The following TVP23A variants were observed in gnomAD, a reference collection of about 807,000 sequenced individuals.
The protein encoded by TVP23A is trans-golgi network vesicle protein 23 homolog A, also known as Golgi apparatus membrane protein TVP23 homolog A.
In TVP23A, 21 loss-of-function variants were observed where a neutral mutation model predicts 31.7. That is an observed-to-expected ratio of 0.66 (90% confidence interval 0.47 to 0.95). The LOEUF (loss-of-function observed/expected upper bound fraction) is 0.95, where lower values mean the gene tolerates loss of function less well. Ranked by LOEUF, TVP23A falls within the 40% of genes least tolerant of loss-of-function variation. TVP23A has a pLI of 0.00. For synonymous variants in TVP23A, 104 were observed against 96.0 expected, an observed-to-expected ratio of 1.08 and a Z score of -0.49; for missense variants, 279 against 255.6, an observed-to-expected ratio of 1.09 and a Z score of -0.62.
intron 2 of TVP23A, among the ~76,000 whole-genome samples, chr16:10,784,749 T>A (rs1286571539): frequency 6.6e-6 from 1 of 152,122 alleles, no homozygotes; most frequent in African/African-American, 2.4e-5. Context: ...AAGGGGAGTA[T>A]ATAAAAATTA....
At chr16:10,806,079 C>T (rs1173281280) in intron 2 of TVP23A, among the ~76,000 whole-genome samples, 6 of 152,316 alleles carry the variant, frequency 3.9e-5, no homozygotes, top group African/African-American at 1.4e-4. Flanking sequence ...CGGTGGCTCA[C>T]GCCCTTAATC....
rs1274805868 is a variant in TVP23A, at chr16:10,818,128, GCTC to G, written c.61_63del (p.Glu21del). 3 of 1,609,070 alleles carry G rather than the reference GCTC, an allele frequency of 1.9e-6. No individual in the cohort carries two copies. The highest frequency in any genetic ancestry group is 4.5e-5 in the East Asian group (2 of 44,802). ...CTGATCTTGGCTTTCCTAAAGGCCA[GCTC>G]CTCCTCGTTTCCAAAGTCCAGGGAC... On this transcript the variant is annotated inframe_deletion, in exon 2 of 8. Coordinates refer to ENST00000299866, the MANE Select transcript of TVP23A (RefSeq NM_001079512.4). The surrounding 1 kb of genome is among the most constrained non-coding windows in gnomAD (Gnocchi z 4.7).
intron 2 of TVP23A, among the ~76,000 whole-genome samples, chr16:10,780,043 G>T (rs1455317492): frequency 2.0e-5 from 3 of 152,136 alleles, no homozygotes; most frequent in Non-Finnish European, 2.9e-5. Context: ...AGCCAAGATC[G>T]TGCCACTGGA....
chr16:10,804,572 C>A (rs1567311788), intron 2 of TVP23A, among the ~76,000 whole-genome samples: 1 of 152,254 alleles, frequency 6.6e-6, no homozygotes, highest in East Asian at 1.9e-4. Context: ...ACTAGAGAGA[C>A]CCTATCTCTA....
Position 10,761,485 on chromosome 16 carries a change from G to A in TVP23A, c.*290C>T, listed in dbSNP as rs369337742. 133 of 1,606,576 alleles carry A rather than the reference G, an allele frequency of 8.3e-5. No individual in the cohort carries two copies. In the African/African-American group the frequency reaches 1.0e-3, roughly 13 times the overall value. ...TGTCCTAAGTGCAAGGTGAGGGCGCGTGGGGCTGCCAGGCGAGCAAGATCT... is the reference window on the plus strand; with the variant it reads ...TGTCCTAAGTGCAAGGTGAGGGCGCATGGGGCTGCCAGGCGAGCAAGATCT... On this transcript the variant is annotated 3_prime_UTR_variant and NMD_transcript_variant, in exon 9 of 9. Coordinates refer to the TVP23A transcript ENST00000456096.
At position 10,768,842 on chromosome 16, in the gene TVP23A, C is replaced by T. The variant is rs74471897; in HGVS notation, c.*260G>A. Reference sequence around the variant, plus strand: ...CATCTATAGATGGTCCGAGGAAGGCCGCAGCCACTGGTTATGAGCAAGATG... The same window carrying T: ...CATCTATAGATGGTCCGAGGAAGGCTGCAGCCACTGGTTATGAGCAAGATG... On this transcript the variant is annotated 3_prime_UTR_variant, in exon 8 of 8. Coordinates refer to ENST00000299866, the MANE Select transcript of TVP23A (RefSeq NM_001079512.4). The surrounding 1 kb of genome is among the most constrained non-coding windows in gnomAD (Gnocchi z 4.3). The T allele has an allele frequency of 4.6e-3, 2,436 of 526,486 alleles. 7 individuals are homozygous for T. Among genetic ancestry groups the T allele is most frequent in the Non-Finnish European group, 5.5e-3 (1,625 of 296,660 alleles). 32.6% of individuals were successfully genotyped at this position (526,486 alleles called of 1,614,324 possible).
intron 2 of TVP23A, among the ~76,000 whole-genome samples, chr16:10,797,082 A>T (rs1173710036): frequency 6.6e-6 from 1 of 151,428 alleles, no homozygotes; most frequent in African/African-American, 2.4e-5. Context: ...TCAGCTACTC[A>T]GGAGGCTAAA....
chr16:10,770,868 CAAA>C (rs376701429), intron 6 of TVP23A, among the ~76,000 whole-genome samples: 830 of 66,340 alleles, frequency 0.013, 3 homozygotes, highest in African/African-American at 0.042. Context: ...ACTCCCATCT[CAAA>C]AAAAAAAAAA....
At chr16:10,787,570 C>A (rs549733545) in intron 2 of TVP23A, among the ~76,000 whole-genome samples, 71 of 152,194 alleles carry the variant, frequency 4.7e-4, no homozygotes, top group Middle Eastern at 3.4e-3. Context: ...CTTCCGTGAG[C>A]GCTATGTGAA....
At chr16:10,804,968 G>T (rs185453171) in intron 2 of TVP23A, among the ~76,000 whole-genome samples, 2 of 151,428 alleles carry the variant, frequency 1.3e-5, no homozygotes, top group African/African-American at 2.4e-5. Flanking sequence ...GATCCTGACA[G>T]CCACCAATCT....
intron 2 of TVP23A, among the ~76,000 whole-genome samples, chr16:10,788,820 C>A (rs1026369298): frequency 6.6e-6 from 1 of 152,182 alleles, no homozygotes; most frequent in Non-Finnish European, 1.5e-5. Flanking sequence ...GTGGGCTTAA[C>A]AAGGAGCCTG....
downstream of TVP23A, among the ~76,000 whole-genome samples, chr16:10,763,009 C>T (rs1338873280): frequency 1.3e-5 from 2 of 151,998 alleles, no homozygotes; most frequent in Non-Finnish European, 2.9e-5. Context: ...TGGGTTCTGG[C>T]GTTGGTGTAG....
intron 2 of TVP23A, among the ~76,000 whole-genome samples, chr16:10,812,295 G>C (rs2034241432): frequency 6.6e-6 from 1 of 152,204 alleles, no homozygotes; most frequent in Admixed American, 6.5e-5. Context: ...TGGGACCCTT[G>C]TACAGTGTTG....
At chr16:10,802,941 C>A (rs1343805560) in intron 2 of TVP23A, among the ~76,000 whole-genome samples, 2 of 152,088 alleles carry the variant, frequency 1.3e-5, no homozygotes, top group Non-Finnish European at 2.9e-5. Context: ...AACACATAAA[C>A]GTTTTTAATT....
chr16:10,800,702 A>G (rs2033653979), intron 2 of TVP23A, among the ~76,000 whole-genome samples: 1 of 152,176 alleles, frequency 6.6e-6, no homozygotes, highest in Non-Finnish European at 1.5e-5. Context: ...TTGGCCAGGC[A>G]AAAATCACAG....
intron 2 of TVP23A, among the ~76,000 whole-genome samples, chr16:10,815,752 T>G (rs1449480414): frequency 2.0e-5 from 3 of 152,170 alleles, no homozygotes; most frequent in Non-Finnish European, 4.4e-5. Flanking sequence ...CCCCAGCCAC[T>G]AGCCCAGAGT....
intron 7 of TVP23A, 52 bp from the exon 8 acceptor site, chr16:10,769,153 T>C (rs1481605048): frequency 6.3e-7 from 1 of 1,576,194 alleles, no homozygotes; most frequent in Non-Finnish European, 8.7e-7. Context: ...AGGCACTCAC[T>C]GGGCAGCACA....
At chr16:10,809,596 A>G (rs933123535) in intron 2 of TVP23A, among the ~76,000 whole-genome samples, 1 of 152,216 alleles carries the variant, frequency 6.6e-6, no homozygotes, top group Non-Finnish European at 1.5e-5. Context: ...AGATCTCCCA[A>G]TGAGCTGAAG....
chr16:10,778,179 C>T (rs943356808), intron 2 of TVP23A, among the ~76,000 whole-genome samples: 1 of 151,896 alleles, frequency 6.6e-6, no homozygotes, highest in Non-Finnish European at 1.5e-5. Context: ...ACTAAAAATA[C>T]AAAAATTAGC....
Sources: allele counts gnomAD v4.1 joint callset (sites outside exome capture counted in the v4.1 genomes callset), GRCh38; gene constraint gnomAD v4.1.1; non-coding constraint Gnocchi (gnomAD v3.1); transcripts MANE v1.5; gene names NCBI Gene and HGNC (gene_info 2026-07-23, HGNC 2026-07-21).